The following FNBP1 variants were observed in gnomAD, a reference collection of about 807,000 sequenced individuals.
FNBP1 encodes the protein formin-binding protein 1.
In FNBP1, 26 loss-of-function variants were observed where a neutral mutation model predicts 90.6. That is an observed-to-expected ratio of 0.29 (90% confidence interval 0.21 to 0.40). The LOEUF is 0.40. Among genes scored for constraint, FNBP1 ranks in the 10% least tolerant of loss-of-function variants. The pLI is 1.00. For synonymous variants in FNBP1, 260 were observed against 265.2 expected (o/e 0.98, Z 0.19); for missense variants, 635 against 768.0 (o/e 0.83, Z 2.05).
chr9:130,039,969 T>C (rs543665420), intron 1 of FNBP1, among the ~76,000 whole-genome samples: 8 of 152,338 alleles, frequency 5.3e-5, no homozygotes, highest in Non-Finnish European at 8.8e-5. Flanking sequence ...TTTCTCCATC[T>C]AGAAGAATAA....
At chr9:129,909,184 C>A in intron 11 of FNBP1, 185 bp from the exon 12 acceptor site, 1 of 622,670 alleles carries the variant, frequency 1.6e-6, no homozygotes, top group Non-Finnish European at 2.9e-6. Flanking sequence ...TGCATAAGTC[C>A]CATAAACCAT....
chr9:129,960,160 C>T (rs7847627), intron 4 of FNBP1, among the ~76,000 whole-genome samples: 114,314 of 151,702 alleles, frequency 0.75, 43,781 homozygotes, highest in East Asian at 0.9. Context: ...GGGCGGATCA[C>T]GAGGTCAGGA....
chr9:129,924,262 C>T (rs1024614395), intron 9 of FNBP1, among the ~76,000 whole-genome samples: 1 of 152,164 alleles, frequency 6.6e-6, no homozygotes, highest in African/African-American at 2.4e-5. Flanking sequence ...ACAAGAAGCT[C>T]GTGCAGACTT....
chr9:129,927,444 A>C (rs2042082171), intron 7 of FNBP1, 103 bp from the exon 8 acceptor site: 1 of 1,141,896 alleles, frequency 8.8e-7, no homozygotes, highest in Non-Finnish European at 1.3e-6. Flanking sequence ...TTTGAGGAAA[A>C]AATGGGTTAG....
At chr9:129,960,142 G>T (rs747998614) in intron 4 of FNBP1, among the ~76,000 whole-genome samples, 1 of 151,954 alleles carries the variant, frequency 6.6e-6, no homozygotes, top group Non-Finnish European at 1.5e-5. Flanking sequence ...ACTTTGGGAG[G>T]CAGAGGTGGG....
chr9:129,973,307 C>T (rs116777629), intron 4 of FNBP1, among the ~76,000 whole-genome samples: 1,968 of 152,218 alleles, frequency 0.013, 33 homozygotes, highest in African/African-American at 0.039. Context: ...ATGCTGTGTG[C>T]GCCAATAATT....
chr9:130,044,913 G>A (rs2060046982), upstream of FNBP1: 1 of 151,984 alleles, frequency 6.6e-6, no homozygotes, highest in African/African-American at 2.4e-5. Flanking sequence ...CTCCAGCCTG[G>A]GTGACAGAGC....
chr9:129,978,261 C>T (rs1255508519), intron 4 of FNBP1: 17 of 460,768 alleles, frequency 3.7e-5, no homozygotes, highest in African/African-American at 6.0e-5. Context: ...CTTTGTGATC[C>T]GCCTGCCTCG....
chr9:130,022,285 A>G (rs1340204132), intron 1 of FNBP1, among the ~76,000 whole-genome samples: 2 of 151,948 alleles, frequency 1.3e-5, no homozygotes, highest in African/African-American at 2.4e-5. Flanking sequence ...GCTCACTGCA[A>G]TGTCTGCCTC....
Position 129,974,155 on chromosome 9 carries a change from A to T in FNBP1, c.345+4310T>A, listed in dbSNP as rs563289627. 2.6e-5 allele frequency among the ~76,000 whole-genome samples: 4 copies of T among 151,662 alleles called. No individual in the cohort carries two copies. The South Asian group carries it at 8.4e-4, about 32-fold the overall frequency. ...CTTTTTCTAAGACTAGCTGCAGATG[A>T]GGATGTTCATACTGTTTACTCCAGC... On this transcript the variant is annotated intron_variant, in intron 4 of 16. Coordinates refer to ENST00000446176, the MANE Select transcript of FNBP1 (RefSeq NM_015033.3).
intron 1 of FNBP1, among the ~76,000 whole-genome samples, chr9:130,009,436 C>T (rs548494099): frequency 5.3e-5 from 8 of 152,136 alleles, no homozygotes; most frequent in South Asian, 4.1e-4. Flanking sequence ...CCGAGGCAAG[C>T]GGATCACTTG....
chr9:129,901,174 G>A (rs2036864639), intron 13 of FNBP1, among the ~76,000 whole-genome samples: 1 of 152,194 alleles, frequency 6.6e-6, no homozygotes, highest in Non-Finnish European at 1.5e-5. Context: ...GGGAGGCCGA[G>A]GTGGGTGAAT....
intron 4 of FNBP1, among the ~76,000 whole-genome samples, chr9:129,970,236 C>T (rs1456657179): frequency 6.7e-6 from 1 of 150,296 alleles, no homozygotes; most frequent in East Asian, 2.0e-4. Context: ...AGACTGAGTC[C>T]TGTCTGTCAC....
intron 4 of FNBP1, among the ~76,000 whole-genome samples, chr9:129,970,217 A>AT (rs951130351): frequency 3.9e-5 from 5 of 127,606 alleles, no homozygotes; most frequent in South Asian, 2.5e-4. Context: ...TTATTTTATT[A>AT]TTTTTTTTAG....
chr9:129,980,669 GAAAAAA>G (rs199545216), intron 2 of FNBP1, among the ~76,000 whole-genome samples: 2 of 126,748 alleles, frequency 1.6e-5, no homozygotes, highest in Non-Finnish European at 3.4e-5. Flanking sequence ...GGTAATCACA[GAAAAAA>G]AAAAAAAAAA....
chr9:129,998,525 A>C (rs1046048100), intron 1 of FNBP1, among the ~76,000 whole-genome samples: 5 of 151,726 alleles, frequency 3.3e-5, no homozygotes, highest in African/African-American at 4.8e-5. Flanking sequence ...AAAAAAAAAA[A>C]AACAAAAAAG....
intron 6 of FNBP1, among the ~76,000 whole-genome samples, chr9:129,938,329 T>G (rs1222823215): frequency 6.6e-6 from 1 of 152,166 alleles, no homozygotes; most frequent in Non-Finnish European, 1.5e-5. Context: ...CTAGAATATA[T>G]TTTCAATTTC....
chr9:130,026,857 T>C (rs1008025230), intron 1 of FNBP1, among the ~76,000 whole-genome samples: 5 of 151,670 alleles, frequency 3.3e-5, no homozygotes, highest in Admixed American at 2.6e-4. Context: ...TCCTAGCTAC[T>C]TGTGAGGCTG....
rs1554821618 is a variant in FNBP1, at chr9:129,965,696, A to ACG, written c.346-7145_346-7144dup. ...CATCTCTCTTAAAACACACACACAC[A>ACG]CGCGCGCGCGCGCACACACACACAC... On this transcript the variant is annotated intron_variant, in intron 4 of 16. Transcript: ENST00000446176. Among the ~76,000 whole-genome samples, 21 of 95,058 alleles carry ACG rather than the reference A, an allele frequency of 2.2e-4. 1 individual carries two copies. Among genetic ancestry groups the ACG allele is most frequent in the African/African-American group, 5.4e-4 (12 of 22,216 alleles). The allele number at this position is 95,058 out of a possible 152,430, so 62.4% of individuals were successfully genotyped here. A position where few individuals can be genotyped will look rare whatever the true frequency, so the allele number is the denominator to read the frequency against.
Sources: gnomAD v4.1 joint callset for allele counts (sites outside exome capture counted in the v4.1 genomes callset) on GRCh38, gnomAD v4.1.1 for gene constraint, MANE v1.5 for transcripts, NCBI Gene and HGNC (gene_info 2026-07-23, HGNC 2026-07-21) for gene names.